Variants in VPS36 observed in about 807,000 individuals in gnomAD.
The protein encoded by VPS36 is vacuolar protein-sorting-associated protein 36.
VPS36 carries 31 observed loss-of-function variants against 63.5 expected under a neutral mutation model. That is an observed-to-expected ratio of 0.49 (90% CI 0.37 to 0.66). The LOEUF (loss-of-function observed/expected upper bound fraction) is 0.66. VPS36 is among the 30% of genes least tolerant of loss of function. The pLI is 0.00. For synonymous variants in VPS36, 138 were observed against 157.2 expected, an observed-to-expected ratio of 0.88 and a Z score of 0.91; for missense variants, 338 against 463.7, an observed-to-expected ratio of 0.73 and a Z score of 2.49.
At chr13:52,446,938 C>T (rs756815872) in intron 1 of VPS36, among the ~76,000 whole-genome samples, 78 of 146,258 alleles carry the variant, frequency 5.3e-4, no homozygotes, top group Non-Finnish European at 8.0e-4. Context: ...TGCGATGGTG[C>T]GATCTGGGCT....
intron 9 of VPS36, among the ~76,000 whole-genome samples, chr13:52,425,480 C>T (rs1011110038): frequency 6.6e-6 from 1 of 151,990 alleles, no homozygotes; most frequent in African/African-American, 2.4e-5. Context: ...ATGATGGCCA[C>T]AGAGGATTCA....
chr13:52,426,004 G>A lies in VPS36; in HGVS notation c.702C>T (p.Thr234=), dbSNP rs776123724. Residue 234 remains threonine (T), a synonymous_variant, in exon 9 of 14, where the codon ACC becomes ACT. Coordinates refer to ENST00000378060, the MANE Select transcript of VPS36 (RefSeq NM_016075.4). ...TGTGGTACTGTGTGCCTGAGCCGTAGGTTTCTCTGGTAACTGGGTTAGCTA... is the reference window on the plus strand; with the variant it reads ...TGTGGTACTGTGTGCCTGAGCCGTAAGTTTCTCTGGTAACTGGGTTAGCTA... ...MGIANPVTRE[T]YGSGTQYHMQ... is the part of the protein sequence containing the mutation. 1.2e-6 allele frequency: 2 copies of A among 1,614,160 alleles called. No homozygotes were observed. The highest frequency in any genetic ancestry group is 2.2e-5 in the South Asian group (2 of 91,088).
intron 1 of VPS36, among the ~76,000 whole-genome samples, chr13:52,446,314 C>G (rs535396567): frequency 2.0e-5 from 3 of 151,230 alleles, no homozygotes. Flanking sequence ...ACATATAGTT[C>G]TGATTAAGAA....
chr13:52,431,803 T>TC (rs1412107483), intron 6 of VPS36, among the ~76,000 whole-genome samples: 1 of 150,356 alleles, frequency 6.7e-6, no homozygotes, highest in East Asian at 2.0e-4. Context: ...AACCAGAGTT[T>TC]CTCAGATAAA....
Position 52,417,069 on chromosome 13 carries a change from C to T in VPS36, c.978G>A (p.Ser326=), listed in dbSNP as rs201103049. The change falls in exon 12 of 14, where the codon TCG becomes TCA. Residue 326 remains serine, a synonymous_variant. Coordinates refer to ENST00000378060, the MANE Select transcript of VPS36 (RefSeq NM_016075.4). The part of the protein sequence containing the change: ...QSHKEEEMVA[S]ALETVSEKGS... Reference sequence around the variant, plus strand: ...CGGCTTCACATACTGTCTCCAGGGCCGAGGCCACCATTTCCTCTTCCTTGT... The same window carrying T: ...CGGCTTCACATACTGTCTCCAGGGCTGAGGCCACCATTTCCTCTTCCTTGT... The T allele has an allele frequency of 6.9e-5, 111 of 1,613,790 alleles. No individual in the cohort carries two copies. The highest frequency in any genetic ancestry group is 2.7e-4 in the Admixed American group (16 of 59,992).
intron 11 of VPS36, 49 bp downstream of exon 11, chr13:52,417,943 T>C: frequency 6.4e-7 from 1 of 1,555,270 alleles, no homozygotes; most frequent in Admixed American, 1.7e-5. Flanking sequence ...ATCTACCCCA[T>C]GCAGAATCAT....
chr13:52,414,734 G>A lies in VPS36; in HGVS notation c.*1096C>T, dbSNP rs1329399368. 2 of 152,204 alleles carry A rather than the reference G, an allele frequency of 1.3e-5. No homozygotes were observed. Among genetic ancestry groups the A allele is most frequent in the Non-Finnish European group, 2.9e-5 (2 of 68,062 alleles). The allele number at this position is 152,204 out of a possible 1,614,324, so 9.4% of individuals were successfully genotyped here. A position where few individuals can be genotyped will look rare whatever the true frequency, so the allele number is the denominator to read the frequency against. On this transcript the variant is annotated 3_prime_UTR_variant, in exon 14 of 14. Coordinates refer to ENST00000378060, the MANE Select transcript of VPS36 (RefSeq NM_016075.4). ...CACTTCCAACTCAGTTTCAGAAAGG[G>A]TGTCTCCTGTCCTGTGGGGTCCCTG...
At chr13:52,450,069 G>C (rs1021537881) in intron 1 of VPS36, 10 of 987,838 alleles carry the variant, frequency 1.0e-5, no homozygotes, top group Non-Finnish European at 1.2e-5. Context: ...ACAGAAAGGC[G>C]AAACGGGGCT....
intron 4 of VPS36, among the ~76,000 whole-genome samples, chr13:52,435,266 C>G (rs114220006): frequency 6.6e-6 from 1 of 152,054 alleles, no homozygotes; most frequent in Non-Finnish European, 1.5e-5. Context: ...CCACCGCGCC[C>G]GGCCACTTAA....
intron 11 of VPS36, 68 bp from the exon 12 acceptor site, chr13:52,417,209 C>A: frequency 1.5e-6 from 2 of 1,356,188 alleles, no homozygotes; most frequent in South Asian, 1.2e-5. Context: ...AAAAGGAGGA[C>A]ATCTTTTATA....
chr13:52,430,838 A>G (rs988612822), intron 6 of VPS36, among the ~76,000 whole-genome samples: 23 of 152,048 alleles, frequency 1.5e-4, no homozygotes, highest in African/African-American at 4.8e-4. Flanking sequence ...AGTGTCTTTT[A>G]AGGGGAAAAA....
rs764254757 is a variant in VPS36 at position 52,433,706 on chromosome 13, T to G, written c.484A>C (p.Lys162Gln). ...GTTTCTTTTCTTTTTTCTTCCAGTT[T>G]CCTTTCAATACCTACAATTCCTACA... ...RAVGIVGIERKLEEKRKETDK... is the reference protein window; with the variant it reads ...RAVGIVGIERQLEEKRKETDK... The change falls in exon 6 of 14, where the codon AAA becomes CAA. Residue 162 changes from lysine (K) to glutamine (Q), a missense_variant. Lys to Gln is a moderately conservative substitution (Grantham distance 53). Coordinates refer to ENST00000378060, the MANE Select transcript of VPS36 (RefSeq NM_016075.4). 6.2e-7 allele frequency: 1 copy of G among 1,613,500 alleles called. No individual in the cohort carries two copies. Among genetic ancestry groups the G allele is most frequent in the South Asian group, 1.1e-5 (1 of 90,968 alleles).
At chr13:52,426,716 G>A (rs1465625779) in intron 8 of VPS36, among the ~76,000 whole-genome samples, 1 of 152,140 alleles carries the variant, frequency 6.6e-6, no homozygotes, top group East Asian at 1.9e-4. Context: ...TTAGCCGGGC[G>A]TGGTGGCACG....
intron 1 of VPS36, among the ~76,000 whole-genome samples, chr13:52,442,859 A>G (rs943535212): frequency 2.0e-5 from 3 of 152,220 alleles, no homozygotes; most frequent in Non-Finnish European, 4.4e-5. Context: ...GTCTAAAAGG[A>G]ACACAATTAT....
intron 6 of VPS36, among the ~76,000 whole-genome samples, chr13:52,432,160 T>C (rs895102888): frequency 1.3e-5 from 2 of 151,950 alleles, no homozygotes; most frequent in African/African-American, 4.8e-5. Context: ...GACCATCCTG[T>C]CTAACATGGT....
chr13:52,421,561 G>A (rs923673840), intron 10 of VPS36, among the ~76,000 whole-genome samples: 3 of 133,220 alleles, frequency 2.3e-5, no homozygotes, highest in Non-Finnish European at 3.1e-5. Context: ...TTGCTCTGTC[G>A]CCTAGGCTAG....
intron 8 of VPS36, among the ~76,000 whole-genome samples, chr13:52,426,450 T>G (rs1452131825): frequency 6.6e-6 from 1 of 152,224 alleles, no homozygotes; most frequent in East Asian, 1.9e-4. Context: ...CCACTCCTTG[T>G]ACATTTCAGT....
intron 9 of VPS36, among the ~76,000 whole-genome samples, chr13:52,424,454 A>G (rs116837136): frequency 1.3e-5 from 2 of 152,156 alleles, no homozygotes; most frequent in Admixed American, 1.3e-4. Context: ...ATAATAATTT[A>G]AAAAAACCCT....
At chr13:52,445,939 CAAAAAAAAAAA>C (rs34529458) in intron 1 of VPS36, among the ~76,000 whole-genome samples, 24 of 15,366 alleles carry the variant, frequency 1.6e-3, no homozygotes, top group Admixed American at 4.1e-3. Flanking sequence ...GACTCTATCT[CAAAAAAAAAAA>C]AAAAAAAAAA....
Sources: allele counts gnomAD v4.1 joint callset (sites outside exome capture counted in the v4.1 genomes callset), GRCh38; gene constraint gnomAD v4.1.1; transcripts MANE v1.5; gene names NCBI Gene and HGNC (gene_info 2026-07-23, HGNC 2026-07-21).